HEATR6: variants seen among roughly 807,000 people sequenced by gnomAD.
HEATR6 encodes HEAT repeat-containing protein 6.
Under a neutral mutation model 132.8 loss-of-function variants are expected in HEATR6, and 106 were observed. The ratio of observed to expected loss-of-function variants is 0.80; its 90% CI spans 0.68 to 0.94. The LOEUF (loss-of-function observed/expected upper bound fraction) is 0.94, where lower values mean the gene tolerates loss of function less well. Among genes scored for constraint, HEATR6 ranks in the 40% least tolerant of loss-of-function variants. The pLI is 0.00. For synonymous variants in HEATR6, 529 were observed against 537.8 expected, an observed-to-expected ratio of 0.98 and a Z score of 0.23; for missense variants, 1,339 against 1,425.1, an observed-to-expected ratio of 0.94 and a Z score of 0.97.
intron 2 of HEATR6, chr17:60,075,908 CAGAA>C (rs780125699): frequency 3.0e-5 from 9 of 300,018 alleles, no homozygotes; most frequent in Admixed American, 5.0e-5. Context: ...CTGAACCAAA[CAGAA>C]AGGCATACTT....
At chr17:60,074,721 A>G (rs767799068) in intron 2 of HEATR6, among the ~76,000 whole-genome samples, 4 of 152,030 alleles carry the variant, frequency 2.6e-5, no homozygotes, top group Non-Finnish European at 5.9e-5. Context: ...GGCAACCTTA[A>G]CCCCCAAGGA....
intron 9 of HEATR6, among the ~76,000 whole-genome samples, 181 bp from the exon 10 acceptor site, chr17:60,060,277 C>G (rs977415572): frequency 6.6e-6 from 1 of 151,554 alleles, no homozygotes; most frequent in Non-Finnish European, 1.5e-5. Flanking sequence ...AAAAAAAAAT[C>G]TTTATTTTAT....
At position 60,048,994 on chromosome 17, in the gene HEATR6, A is replaced by AACG. The variant is rs1568608476; in HGVS notation, c.2547+585_2547+586insCGT. Reference sequence around the variant, plus strand: ...TAACATATATATATAATATATATATATATATATATATATATATATATATAT... The same window carrying AACG: ...TAACATATATATATAATATATATATAACGTATATATATATATATATATATATAT... On this transcript the variant is annotated intron_variant, in intron 16 of 19. Transcript: ENST00000184956. Among the ~76,000 whole-genome samples, 106 of 132,132 alleles carry AACG rather than the reference A, an allele frequency of 8.0e-4. 2 individuals carry two copies. The highest frequency in any genetic ancestry group is 2.7e-3 in the African/African-American group (90 of 33,018). 86.7% of individuals were successfully genotyped at this position (132,132 alleles called of 152,430 possible).
chr17:60,073,377 G>A, intron 3 of HEATR6, 98 bp from the exon 4 acceptor site: 1 of 711,454 alleles, frequency 1.4e-6, no homozygotes, highest in Non-Finnish European at 2.4e-6. Context: ...CTAAATGGCA[G>A]TTAAGCACCA....
At chr17:60,045,467 T>C (rs559926629) in intron 19 of HEATR6, among the ~76,000 whole-genome samples, 59 of 152,362 alleles carry the variant, frequency 3.9e-4, no homozygotes, top group African/African-American at 1.3e-3. Flanking sequence ...TCAAGGTGCA[T>C]GGCATGCCAC....
At chr17:60,052,332 C>T (rs1014350232) in intron 14 of HEATR6, among the ~76,000 whole-genome samples, 8 of 152,334 alleles carry the variant, frequency 5.3e-5, no homozygotes, top group African/African-American at 1.9e-4. Context: ...TCCTGACCCA[C>T]AGAAACTGTG....
intron 16 of HEATR6, among the ~76,000 whole-genome samples, chr17:60,049,145 G>GTGTGTGTGTGTGTGTC (rs1906496005): frequency 6.6e-6 from 1 of 150,498 alleles, no homozygotes; most frequent in African/African-American, 2.4e-5. Flanking sequence ...GTGTGTGTGT[G>GTGTGTGTGTGTGTGTC]TGTGTGTGTG....
intron 5 of HEATR6, 93 bp from the exon 6 acceptor site, chr17:60,070,900 C>T (rs768922669): frequency 2.3e-5 from 17 of 733,426 alleles, no homozygotes; most frequent in Non-Finnish European, 4.2e-5. Context: ...GGAAGAGAGA[C>T]AGTCTCTAGA....
chr17:60,057,597 A>T lies in HEATR6; in HGVS notation c.1724-194T>A, dbSNP rs192572193. Among the ~76,000 whole-genome samples the T allele has an allele frequency of 3.5e-3, 540 of 152,312 alleles. 2 individuals are homozygous for T. Among genetic ancestry groups the T allele is most frequent in the African/African-American group, 0.012 (516 of 41,568 alleles). ...AACACCATAAAGAAACAATCTGACA[A>T]ATTGAGAATGTGATTTATTTTGTTA... On this transcript the variant is annotated intron_variant, in intron 11 of 19. Coordinates refer to ENST00000184956, the MANE Select transcript of HEATR6 (RefSeq NM_022070.5).
intron 9 of HEATR6, among the ~76,000 whole-genome samples, chr17:60,065,199 T>G (rs551711247): frequency 2.6e-5 from 4 of 152,216 alleles, no homozygotes; most frequent in Non-Finnish European, 2.9e-5. Flanking sequence ...TAAGGAGTAT[T>G]TGAAATACCC....
At position 60,047,403 on chromosome 17, in the gene HEATR6, T is replaced by A. The variant is rs761508063; in HGVS notation, c.2675A>T (p.Glu892Val). The change falls in exon 18 of 20, where the codon GAA (glutamate) becomes GTA (valine). Residue 892 changes from glutamate (E) to valine (V), a missense_variant and splice_region_variant. Glu to Val is a moderately radical substitution (Grantham distance 121, BLOSUM62 -2). Transcript: ENST00000184956. Reference protein sequence around the residue: ...NLTDTLIVNMETPDPSFQEEF... With the variant: ...NLTDTLIVNMVTPDPSFQEEF... ...TTCCTGGAAACTTGGGTCTGGTGTTTCCCTGTTCCACCCAAAGCAGACAAC... is the reference window on the plus strand; with the variant it reads ...TTCCTGGAAACTTGGGTCTGGTGTTACCCTGTTCCACCCAAAGCAGACAAC... The A allele has an allele frequency of 1.7e-5, 28 of 1,607,522 alleles. No homozygotes were observed. In the South Asian group the frequency reaches 2.3e-4, roughly 13 times the overall value.
In HEATR6 at chr17:60,057,113, TA is replaced by T; in HGVS notation, c.2013del (p.Ser672AlafsTer24). On this transcript the variant is annotated frameshift_variant, in exon 12 of 20. Coordinates refer to ENST00000184956, the MANE Select transcript of HEATR6 (RefSeq NM_022070.5). ...CTTCCTGCTGCAGAGCCAGCATCGC[TA>T]CCTGAACAGGAATCCTCCTTGGGCA... The part of the protein sequence containing the change: ...VVLPKEDSCS[G>X]SDAGSAAGST... 6.2e-7 allele frequency: 1 copy of T among 1,614,116 alleles called. No homozygotes were observed. Among genetic ancestry groups the T allele is most frequent in the Non-Finnish European group, 8.5e-7 (1 of 1,179,980 alleles).
rs775055390 is a variant in HEATR6, at chr17:60,056,143, T to C, written c.2174A>G (p.Asp725Gly). The C allele has an allele frequency of 6.2e-7, 1 of 1,614,104 alleles. No individual in the cohort carries two copies. The highest frequency in any genetic ancestry group is 1.1e-5 in the South Asian group (1 of 91,070). The change falls in exon 13 of 20, where the codon GAT becomes GGT. Residue 725 changes from aspartate to glycine, a missense_variant. Transcript: ENST00000184956. ...EVICKCMGEA[D>G]PSIQLHGAKL... ...TGCTCCATGAAGCTGAATGGATGGA[T>C]CTGCTTCCCCCATGCACTTGCAAAT...
Position 60,073,882 on chromosome 17 carries a change from A to G in HEATR6, c.332T>C (p.Ile111Thr). ...GAAATCCAAGTGCTGTTCATCAACA[A>G]TTACCTAACAGGACAGGAAAAGATA... ...IHHLLNRLQV[I>T]VDEQHLDFLL... is the part of the protein sequence containing the mutation. Residue 111 changes from isoleucine to threonine, a missense_variant, in exon 3 of 20, where the codon ATT (isoleucine) becomes ACT (threonine). By Grantham distance (89) the Ile-to-Thr change is moderately conservative. Transcript: ENST00000184956. 6.2e-7 allele frequency: 1 copy of G among 1,613,282 alleles called. No individual in the cohort carries two copies. Among genetic ancestry groups the G allele is most frequent in the Non-Finnish European group, 8.5e-7 (1 of 1,179,678 alleles).
In HEATR6 at chr17:60,043,670, C is replaced by T. The variant is rs1346407149; in HGVS notation, c.3439G>A (p.Gly1147Arg). The change falls in exon 20 of 20, where the codon GGA becomes AGA. Residue 1147 changes from glycine (G) to arginine (R), a missense_variant. Transcript: ENST00000184956. ...ATGATGGCCCTTCTGGCTGTGTCTC[C>T]AGTTGGTGCCTGGATGCTGCCCATG... ...KHMGSIQAPT[G>R]DTARRAIMGF... is the part of the protein sequence containing the mutation. 1 of 1,614,156 alleles carries T rather than the reference C, an allele frequency of 6.2e-7. No individual in the cohort carries two copies. Among genetic ancestry groups the T allele is most frequent in the Non-Finnish European group, 8.5e-7 (1 of 1,180,034 alleles).
At chr17:60,059,865 C>G in intron 10 of HEATR6, 25 bp downstream of exon 10, 9 of 1,578,770 alleles carry the variant, frequency 5.7e-6, no homozygotes, top group Non-Finnish European at 7.0e-6. Context: ...GAAGCCTGCT[C>G]TGGAACCCAC....
chr17:60,048,707 C>G (rs148065190), intron 16 of HEATR6, among the ~76,000 whole-genome samples: 1 of 151,818 alleles, frequency 6.6e-6, no homozygotes, highest in African/African-American at 2.4e-5. Context: ...ATTTCCGTCT[C>G]GGGAAATAAT....
At chr17:60,045,939 C>A in intron 19 of HEATR6, 86 bp downstream of exon 19, 1 of 1,022,288 alleles carries the variant, frequency 9.8e-7, no homozygotes, top group Non-Finnish European at 1.5e-6. Flanking sequence ...TGACAAATAA[C>A]ATGTGACAAA....
chr17:60,059,056 G>A (rs912947632), intron 11 of HEATR6, among the ~76,000 whole-genome samples: 6 of 152,060 alleles, frequency 3.9e-5, no homozygotes, highest in Non-Finnish European at 7.4e-5. Context: ...CTATCTGTCC[G>A]TCTGTCTGTC....
Sources: gnomAD v4.1 joint callset for allele counts (sites outside exome capture counted in the v4.1 genomes callset) on GRCh38, gnomAD v4.1.1 for gene constraint, MANE v1.5 for transcripts, NCBI Gene and HGNC (gene_info 2026-07-23, HGNC 2026-07-21) for gene names.